BMERB1: variants seen among roughly 807,000 people sequenced by gnomAD.
BMERB1 encodes the protein bMERB domain containing 1, also known as bMERB domain-containing protein 1.
BMERB1 carries 12 observed loss-of-function variants against 23.6 expected under a neutral mutation model. The ratio of observed to expected loss-of-function variants is 0.51; its 90% confidence interval spans 0.33 to 0.82. BMERB1 has a LOEUF of 0.82. Ranked by LOEUF, BMERB1 falls within the 40% of genes least tolerant of loss-of-function variation. The pLI, the probability that BMERB1 is intolerant of heterozygous loss-of-function variation, is 0.03. For missense variants in BMERB1, 247 were observed against 255.4 expected, an observed-to-expected ratio of 0.97 and a Z score of 0.22; for synonymous variants, 122 against 96.6, an observed-to-expected ratio of 1.26 and a Z score of -1.54.
At chr16:15,493,905 C>T (rs56880054) in intron 1 of BMERB1, among the ~76,000 whole-genome samples, 11,557 of 152,194 alleles carry the variant, frequency 0.076, 1,488 homozygotes, top group African/African-American at 0.26. Flanking sequence ...TTATTTTCCT[C>T]TGGATTCTCA....
intron 1 of BMERB1, among the ~76,000 whole-genome samples, chr16:15,500,893 C>G (rs995974648): frequency 2.0e-5 from 3 of 152,158 alleles, no homozygotes; most frequent in African/African-American, 7.2e-5. Flanking sequence ...CTCAAGTGAT[C>G]CACCTGCCTC....
chr16:15,468,390 C>T (rs2051202339), intron 1 of BMERB1, among the ~76,000 whole-genome samples: 1 of 152,014 alleles, frequency 6.6e-6, no homozygotes, highest in African/African-American at 2.4e-5. Flanking sequence ...AAGTGATCCA[C>T]CCACTTGTCT....
intron 2 of BMERB1, among the ~76,000 whole-genome samples, chr16:15,562,009 C>G (rs941894807): frequency 6.6e-6 from 1 of 152,012 alleles, no homozygotes; most frequent in African/African-American, 2.4e-5. Flanking sequence ...TGCCATTATT[C>G]CTATTTAAAA....
intron 1 of BMERB1, among the ~76,000 whole-genome samples, chr16:15,486,968 A>G (rs1322053625): frequency 6.6e-6 from 1 of 152,244 alleles, no homozygotes; most frequent in Admixed American, 6.5e-5. Flanking sequence ...TGCCTGGCAA[A>G]TAGTAAAGAT....
chr16:15,492,971 A>G (rs897248455), intron 1 of BMERB1, among the ~76,000 whole-genome samples: 2 of 151,878 alleles, frequency 1.3e-5, no homozygotes, highest in African/African-American at 4.8e-5. Context: ...TTACCTCTGC[A>G]GTCTTCTCTC....
intron 1 of BMERB1, among the ~76,000 whole-genome samples, chr16:15,445,876 A>G (rs1169739550): frequency 6.6e-6 from 1 of 152,214 alleles, no homozygotes; most frequent in African/African-American, 2.4e-5. Context: ...AAACAACCCA[A>G]ATATGGTATA....
At chr16:15,510,072 A>AG (rs2150948049) in intron 1 of BMERB1, among the ~76,000 whole-genome samples, 1 of 152,124 alleles carries the variant, frequency 6.6e-6, no homozygotes, top group East Asian at 1.9e-4. Flanking sequence ...AGGAGCCAGC[A>AG]GGGGCTGCAA....
chr16:15,580,213 C>T (rs1160397026), intron 3 of BMERB1, among the ~76,000 whole-genome samples: 1 of 151,910 alleles, frequency 6.6e-6, no homozygotes, highest in Non-Finnish European at 1.5e-5. Flanking sequence ...CCACCCACCT[C>T]AGCCTCCCAA....
At chr16:15,469,871 C>G (rs4007983) in intron 1 of BMERB1, among the ~76,000 whole-genome samples, 11,991 of 152,172 alleles carry the variant, frequency 0.079, 1,579 homozygotes, top group African/African-American at 0.27. Flanking sequence ...TGTATTAGCT[C>G]TAATAGTTTT....
intron 1 of BMERB1, among the ~76,000 whole-genome samples, chr16:15,488,817 CAAA>C (rs1407097556): frequency 2.1e-5 from 1 of 47,578 alleles, no homozygotes. Context: ...GACTCCGTCT[CAAA>C]AAAAAAAAAA....
chr16:15,451,952 A>G (rs956053127), intron 1 of BMERB1, among the ~76,000 whole-genome samples: 4 of 151,824 alleles, frequency 2.6e-5, no homozygotes, highest in Admixed American at 6.6e-5. Context: ...AACTTAAGGA[A>G]AAGGAATGTA....
intron 2 of BMERB1, among the ~76,000 whole-genome samples, chr16:15,552,868 T>C (rs760438130): frequency 6.6e-6 from 1 of 152,196 alleles, no homozygotes; most frequent in Non-Finnish European, 1.5e-5. Flanking sequence ...GTGAGAGCTC[T>C]TCTAGCTGCA....
intron 3 of BMERB1, among the ~76,000 whole-genome samples, chr16:15,579,624 C>T (rs186021784): frequency 1.8e-4 from 27 of 152,142 alleles, no homozygotes; most frequent in African/African-American, 6.3e-4. Context: ...AAGTTTTTGC[C>T]TCTTAATTTT....
intron 3 of BMERB1, among the ~76,000 whole-genome samples, chr16:15,580,563 T>C (rs1013266018): frequency 1.3e-4 from 20 of 151,614 alleles, no homozygotes; most frequent in Non-Finnish European, 1.8e-4. Flanking sequence ...TTTTTTTTTT[T>C]TTGAGACAGA....
At chr16:15,530,906 T>C (rs1038034810) in intron 2 of BMERB1, among the ~76,000 whole-genome samples, 1 of 143,586 alleles carries the variant, frequency 7.0e-6, no homozygotes. Flanking sequence ...CTTCTTTCTT[T>C]TTTTTTTTTT....
intron 1 of BMERB1, among the ~76,000 whole-genome samples, chr16:15,435,032 G>C (rs1270362584): frequency 1.3e-5 from 2 of 152,378 alleles, no homozygotes; most frequent in South Asian, 2.1e-4. Flanking sequence ...AGGAGTCCCG[G>C]ATCCGTCAGC....
In BMERB1 at chr16:15,552,419, G is replaced by T. The variant is rs534147478; in HGVS notation, c.231-15564G>T. Among the ~76,000 whole-genome samples, 5 of 151,794 alleles carry T rather than the reference G, an allele frequency of 3.3e-5. No individual in the cohort carries two copies. The South Asian group carries it at 1.0e-3, about 32-fold the overall frequency. Reference sequence around the variant, plus strand: ...TGCACCACTGCACTCCGGCCTGGGCGACAGAACGAGACTCCATCTCAAAAA... The same window carrying T: ...TGCACCACTGCACTCCGGCCTGGGCTACAGAACGAGACTCCATCTCAAAAA... On this transcript the variant is annotated intron_variant, in intron 2 of 5. Transcript: ENST00000300006.
At chr16:15,449,301 T>C (rs2150923552) in intron 1 of BMERB1, among the ~76,000 whole-genome samples, 1 of 152,276 alleles carries the variant, frequency 6.6e-6, no homozygotes, top group East Asian at 1.9e-4. Flanking sequence ...TTCTCACTTA[T>C]AAGTAGAAGC....
At chr16:15,462,410 C>A (rs2051144095) in intron 1 of BMERB1, among the ~76,000 whole-genome samples, 1 of 152,030 alleles carries the variant, frequency 6.6e-6, no homozygotes, top group African/African-American at 2.4e-5. Context: ...CCTTGGCCTC[C>A]CAAAGTGCTG....
Sources: allele counts gnomAD v4.1 joint callset (sites outside exome capture counted in the v4.1 genomes callset), GRCh38; gene constraint gnomAD v4.1.1; transcripts MANE v1.5; gene names NCBI Gene and HGNC (gene_info 2026-07-23, HGNC 2026-07-21).